The following PRSS23 variants were observed in gnomAD, a reference collection of about 807,000 sequenced individuals.
PRSS23 encodes protease, serine 23.
In PRSS23, 25 loss-of-function variants were observed where a neutral mutation model predicts 34.7. The observed-to-expected ratio is 0.72, with a 90% CI of 0.53 to 1.01. The LOEUF is 1.01. PRSS23 is among the 50% of genes least tolerant of loss of function. PRSS23 has a pLI of 0.00. For synonymous variants in PRSS23, 176 were observed against 186.6 expected, an observed-to-expected ratio of 0.94 and a Z score of 0.46; for missense variants, 445 against 475.6, an observed-to-expected ratio of 0.94 and a Z score of 0.60.
chr11:86,812,705 T>C (rs1303094548), downstream of PRSS23, among the ~76,000 whole-genome samples: 3 of 150,398 alleles, frequency 2.0e-5, no homozygotes, highest in Non-Finnish European at 4.4e-5. Context: ...GGAGAATCGC[T>C]TGAAACTAGG....
chr11:86,867,040 T>C (rs1469582613), intron 2 of PRSS23, among the ~76,000 whole-genome samples: 6 of 152,152 alleles, frequency 3.9e-5, no homozygotes, highest in Non-Finnish European at 8.8e-5. Context: ...AAGTCACCCA[T>C]TGTGCCCTAG....
At chr11:86,860,697 G>A (rs1948606841) in intron 2 of PRSS23, among the ~76,000 whole-genome samples, 1 of 151,582 alleles carries the variant, frequency 6.6e-6, no homozygotes, top group Non-Finnish European at 1.5e-5. Context: ...CTTATATTCA[G>A]GAGGGACAGG....
intron 2 of PRSS23, among the ~76,000 whole-genome samples, chr11:86,865,685 TC>T (rs1948645116): frequency 6.6e-6 from 1 of 152,196 alleles, no homozygotes; most frequent in African/African-American, 2.4e-5. Context: ...GATGGCCAAT[TC>T]CTGGCTTTGG....
Position 86,808,209 on chromosome 11 carries a change from A to C in PRSS23, c.566A>C (p.Lys189Thr). 6.2e-7 allele frequency: 1 copy of C among 1,614,144 alleles called. No homozygotes were observed. Among genetic ancestry groups the C allele is most frequent in the Non-Finnish European group, 8.5e-7 (1 of 1,180,036 alleles). Residue 189 changes from lysine (K) to threonine (T), a missense_variant, in exon 2 of 2, where the codon AAG (lysine) becomes ACG (threonine). Transcript: ENST00000280258. Reference sequence around the variant, plus strand: ...AAAACCTATGTGAAAGGAACCCAGAAGCTTCGAGTGGGCTTCCTAAAGCCC... The same window carrying C: ...AAAACCTATGTGAAAGGAACCCAGACGCTTCGAGTGGGCTTCCTAAAGCCC... ...DGKTYVKGTQ[K>T]LRVGFLKPKF...
intron 2 of PRSS23, chr11:86,911,085 T>C (rs1948974002): frequency 6.6e-6 from 1 of 152,136 alleles, no homozygotes; most frequent in African/African-American, 2.4e-5. Flanking sequence ...TGATGAGTTC[T>C]AAAGGGTAAA....
chr11:86,847,569 G>A (rs1948496988), intron 2 of PRSS23, among the ~76,000 whole-genome samples: 1 of 152,078 alleles, frequency 6.6e-6, no homozygotes, highest in African/African-American at 2.4e-5. Context: ...GACTAACCAG[G>A]GGTGTGGGCA....
chr11:86,880,340 C>T (rs895401690), intron 2 of PRSS23, among the ~76,000 whole-genome samples: 10 of 151,334 alleles, frequency 6.6e-5, no homozygotes, highest in South Asian at 2.1e-4. Context: ...CATAGGAAAA[C>T]CAGAGACCTT....
At chr11:86,879,035 A>C (rs28541594) in intron 2 of PRSS23, among the ~76,000 whole-genome samples, 8 of 84,164 alleles carry the variant, frequency 9.5e-5, no homozygotes, top group Non-Finnish European at 1.2e-4. Flanking sequence ...TCTGCCCGGC[A>C]GCCATCCCGT....
chr11:86,886,914 C>T (rs1948806291), intron 2 of PRSS23, among the ~76,000 whole-genome samples: 1 of 152,066 alleles, frequency 6.6e-6, no homozygotes, highest in African/African-American at 2.4e-5. Context: ...TGCCCTCCAG[C>T]ATGGGCAATA....
intron 1 of PRSS23, chr11:86,821,373 AT>A: frequency 9.4e-7 from 1 of 1,067,314 alleles, no homozygotes; most frequent in Non-Finnish European, 1.4e-6. Flanking sequence ...TTTGCTACGG[AT>A]TACTTCTTTA....
chr11:86,883,479 A>T (rs1371347699), intron 2 of PRSS23, among the ~76,000 whole-genome samples: 4 of 152,222 alleles, frequency 2.6e-5, no homozygotes, highest in Non-Finnish European at 5.9e-5. Context: ...TTTACACTAT[A>T]TACAAAAATT....
At chr11:86,913,910 A>G (rs904172247) in intron 2 of PRSS23, among the ~76,000 whole-genome samples, 2 of 151,388 alleles carry the variant, frequency 1.3e-5, no homozygotes, top group African/African-American at 4.9e-5. Context: ...TGACACTGAG[A>G]CTAGAAAGTT....
At chr11:86,805,993 A>G (rs1948096749) in intron 1 of PRSS23, among the ~76,000 whole-genome samples, 1 of 152,206 alleles carries the variant, frequency 6.6e-6, no homozygotes, top group Non-Finnish European at 1.5e-5. Flanking sequence ...GTCAGCTTCT[A>G]TTGAACCAGA....
chr11:86,833,836 G>A (rs923812943), intron 2 of PRSS23, among the ~76,000 whole-genome samples: 4 of 152,088 alleles, frequency 2.6e-5, no homozygotes, highest in African/African-American at 9.7e-5. Context: ...GAAAACCCAA[G>A]TACTGTTGGG....
intron 2 of PRSS23, chr11:86,934,135 G>A (rs1459742719): frequency 6.6e-6 from 1 of 152,054 alleles, no homozygotes; most frequent in African/African-American, 2.4e-5. Context: ...CTGAGGCCTG[G>A]GACTTGAAAT....
chr11:86,861,716 A>G (rs80215002), intron 2 of PRSS23, among the ~76,000 whole-genome samples: 7,473 of 150,302 alleles, frequency 0.05, 635 homozygotes, highest in African/African-American at 0.17. Flanking sequence ...ATTACTCCCC[A>G]TGACTCAGGG....
downstream of PRSS23, among the ~76,000 whole-genome samples, chr11:86,812,407 G>T (rs73520746): frequency 1.4e-4 from 22 of 152,316 alleles, no homozygotes; most frequent in African/African-American, 4.8e-4. Context: ...GCAGACATGA[G>T]GCCATTTCTG....
intron 2 of PRSS23, among the ~76,000 whole-genome samples, chr11:86,831,791 T>C (rs746485566): frequency 8.6e-5 from 13 of 152,010 alleles, no homozygotes; most frequent in Admixed American, 1.3e-4. Context: ...TCTAGAGAGA[T>C]GTTACTCCTA....
At chr11:86,825,800 G>A (rs1355302802) in intron 2 of PRSS23, among the ~76,000 whole-genome samples, 25 of 150,222 alleles carry the variant, frequency 1.7e-4, no homozygotes, top group Non-Finnish European at 2.1e-4. Context: ...TAGATATGCG[G>A]CGTTATTTCT....
Sources: allele counts gnomAD v4.1 joint callset (sites outside exome capture counted in the v4.1 genomes callset), GRCh38; gene constraint gnomAD v4.1.1; transcripts MANE v1.5; gene names NCBI Gene and HGNC (gene_info 2026-07-23, HGNC 2026-07-21).